The following ZSCAN31 variants were observed in gnomAD, a reference collection of about 807,000 sequenced individuals.
ZSCAN31 encodes zinc finger and SCAN domain-containing protein 31.
Under a neutral mutation model 22.5 loss-of-function variants are expected in ZSCAN31, and 14 were observed. The ratio of observed to expected loss-of-function variants is 0.62; its 90% CI spans 0.41 to 0.97. The LOEUF (loss-of-function observed/expected upper bound fraction) is 0.97, where lower values mean the gene tolerates loss of function less well. Among genes scored for constraint, ZSCAN31 ranks in the 50% least tolerant of loss-of-function variants. ZSCAN31 has a pLI of 0.00. For synonymous variants in ZSCAN31, 168 were observed against 169.8 expected (o/e 0.99, Z 0.08); for missense variants, 424 against 483.4 (o/e 0.88, Z 1.15).
At chr6:28,344,468 G>C (rs1764554255) in intron 2 of ZSCAN31, among the ~76,000 whole-genome samples, 1 of 152,170 alleles carries the variant, frequency 6.6e-6, no homozygotes, top group African/African-American at 2.4e-5. Context: ...ACATGTTCCT[G>C]TCATCCATCT....
At chr6:28,346,655 C>A (rs1764659421) in intron 2 of ZSCAN31, among the ~76,000 whole-genome samples, 1 of 152,132 alleles carries the variant, frequency 6.6e-6, no homozygotes, top group South Asian at 2.1e-4. Flanking sequence ...CGGCACTCAG[C>A]CTCCTTGGTA....
chr6:28,341,788 G>A (rs1488051772), exon 3 of ZSCAN31: 2 of 152,226 alleles, frequency 1.3e-5, no homozygotes, highest in African/African-American at 4.8e-5. Flanking sequence ...TTGGATGCCT[G>A]GGGTCTGCTA....
At chr6:28,342,003 A>T (rs537466288) in intron 2 of ZSCAN31, among the ~76,000 whole-genome samples, 107 of 152,274 alleles carry the variant, frequency 7.0e-4, no homozygotes, top group Non-Finnish European at 1.3e-3. Flanking sequence ...GAAATAGTAC[A>T]GTTGTTTTTG....
upstream of ZSCAN31, among the ~76,000 whole-genome samples, chr6:28,337,125 T>G (rs190591986): frequency 6.6e-6 from 1 of 152,320 alleles, no homozygotes; most frequent in African/African-American, 2.4e-5. Flanking sequence ...GGAAAACTAA[T>G]GGGGCAAAAC....
rs944370999 is a variant in ZSCAN31, at chr6:28,351,746, C to T, written c.-371+2116G>A. Among the ~76,000 whole-genome samples the T allele has an allele frequency of 6.6e-6, 1 of 151,140 alleles. No homozygotes were observed. On this transcript the variant is annotated intron_variant, in intron 2 of 7. Transcript: ENST00000396838. The surrounding 1 kb of genome is among the most constrained non-coding windows in gnomAD (Gnocchi z 4.6). The stretch of plus-strand genomic sequence containing the variant: ...CCTTTCCTTCCCTCCCTCTCCCCCT[C>T]TTTATCTCTTTTTTTTCCTCATTTC...
At chr6:28,345,513 A>T (rs1326499767) in intron 2 of ZSCAN31, among the ~76,000 whole-genome samples, 2 of 152,152 alleles carry the variant, frequency 1.3e-5, no homozygotes, top group Non-Finnish European at 2.9e-5. Context: ...TTGCAACAAA[A>T]ATTAATATTG....
At chr6:28,341,458 C>A (rs574013147) in intron 3 of ZSCAN31, among the ~76,000 whole-genome samples, 60 of 152,202 alleles carry the variant, frequency 3.9e-4, no homozygotes, top group Non-Finnish European at 7.6e-4. Flanking sequence ...TCTTATAGGG[C>A]GCTAACCCCA....
rs1764701483 is a variant in ZSCAN31 at position 28,347,758 on chromosome 6, T to C, written c.-370-5966A>G. Among the ~76,000 whole-genome samples the C allele has an allele frequency of 7.2e-6, 1 of 139,274 alleles. No individual in the cohort carries two copies. The highest frequency in any genetic ancestry group is 2.9e-5 in the African/African-American group (1 of 34,056). 91.4% of individuals were successfully genotyped at this position (139,274 alleles called of 152,430 possible). On this transcript the variant is annotated intron_variant, in intron 2 of 7. Coordinates refer to the ZSCAN31 transcript ENST00000396838. The surrounding 1 kb of genome is among the most constrained non-coding windows in gnomAD (Gnocchi z 5.2). ...TCCTACAGGGTAAGTACTTTGAAGC[T>C]GCTGGGCCAATGTGTGTATCATTTT...
In ZSCAN31 at chr6:28,331,734, C is replaced by G. The variant is rs1763758347; in HGVS notation, c.-95-1956G>C. 6.6e-6 allele frequency among the ~76,000 whole-genome samples: 1 copy of G among 152,168 alleles called. No homozygotes were observed. The highest frequency in any genetic ancestry group is 1.9e-4 in the East Asian group (1 of 5,200). On this transcript the variant is annotated intron_variant, in intron 1 of 3. Transcript: ENST00000344279. The surrounding 1 kb of genome is among the most constrained non-coding windows in gnomAD (Gnocchi z 4.8). ...TATTAAACATGTAGCTTCTCATGGC[C>G]TTAGGTTTATAGGCAAAAATTGTTC...
At position 28,329,647 on chromosome 6, in the gene ZSCAN31, C is replaced by A. The variant is rs1309890960; in HGVS notation, c.37G>T (p.Val13Leu). ...STEEQYDLKI[V>L]KVEEDPIWDQ... ...CAGATAGGGTCTTCCTCCACTTTCACAATCTTAAGATCGTACTGTTCCTCT... is the reference window on the plus strand; with the variant it reads ...CAGATAGGGTCTTCCTCCACTTTCAAAATCTTAAGATCGTACTGTTCCTCT... The change falls in exon 2 of 4, where the codon GTG becomes TTG. Residue 13 changes from valine to leucine, a missense_variant. Coordinates refer to ENST00000344279, the MANE Select transcript of ZSCAN31 (RefSeq NM_030899.5). 1 of 1,613,922 alleles carries A rather than the reference C, an allele frequency of 6.2e-7. No homozygotes were observed. Among genetic ancestry groups the A allele is most frequent in the Non-Finnish European group, 8.5e-7 (1 of 1,180,026 alleles).
In ZSCAN31 at chr6:28,325,517, G is replaced by A. The variant is rs1164922078; in HGVS notation, c.*649C>T. Reference sequence around the variant, plus strand: ...ATATTGATTCGTATCAAAAACATGAGTTAGATATGAAATGAGACATAGATT... The same window carrying A: ...ATATTGATTCGTATCAAAAACATGAATTAGATATGAAATGAGACATAGATT... On this transcript the variant is annotated 3_prime_UTR_variant, in exon 4 of 4. Transcript: ENST00000344279. The A allele has an allele frequency of 6.6e-6, 1 of 152,124 alleles. No homozygotes were observed. Among genetic ancestry groups the A allele is most frequent in the African/African-American group, 2.4e-5 (1 of 41,406 alleles). 9.4% of individuals were successfully genotyped at this position (152,124 alleles called of 1,614,324 possible).
At chr6:28,352,333 A>G (rs959686495) in intron 2 of ZSCAN31, among the ~76,000 whole-genome samples, 1 of 152,076 alleles carries the variant, frequency 6.6e-6, no homozygotes, top group Admixed American at 6.5e-5. Flanking sequence ...TTTCATTGCA[A>G]TCTCCATCTC....
rs913383123 is a variant in ZSCAN31, at chr6:28,347,947, T to G, written c.-371+5915A>C. The stretch of plus-strand genomic sequence containing the variant: ...GTGTTGGTATAAAATGATTTAAAAT[T>G]TGCCTTTATTTAATTGCTAATGATT... On this transcript the variant is annotated intron_variant, in intron 2 of 7. Transcript: ENST00000396838. The surrounding 1 kb of genome is among the most constrained non-coding windows in gnomAD (Gnocchi z 5.2). Among the ~76,000 whole-genome samples, 40 of 152,266 alleles carry G rather than the reference T, an allele frequency of 2.6e-4. No homozygotes were observed. Among genetic ancestry groups the G allele is most frequent in the Non-Finnish European group, 2.5e-4 (17 of 68,042 alleles).
At chr6:28,353,907 G>C in exon 2 of ZSCAN31, 1 of 455,942 alleles carries the variant, frequency 2.2e-6, no homozygotes. Context: ...TGAGGTCCGA[G>C]GGGAGTTGTT....
intron 2 of ZSCAN31, among the ~76,000 whole-genome samples, chr6:28,343,637 G>A (rs539865483): frequency 1.4e-5 from 2 of 145,228 alleles, no homozygotes; most frequent in South Asian, 2.3e-4. Context: ...TCTGCCTCCC[G>A]GGTTCACGCC....
intron 2 of ZSCAN31, among the ~76,000 whole-genome samples, chr6:28,352,242 C>T (rs1351694923): frequency 6.6e-6 from 1 of 152,152 alleles, no homozygotes; most frequent in Non-Finnish European, 1.5e-5. Flanking sequence ...CTCAGCTGCA[C>T]ATCAGAATGA....
rs1374987392 is a variant in ZSCAN31, at chr6:28,329,171, C to T, written c.381+132G>A. On this transcript the variant is annotated intron_variant, in intron 2 of 3. Transcript: ENST00000344279. Reference sequence around the variant, plus strand: ...GTCATCAGATGACCATAGTCTTGGCCATTAAGGTTTAGGGGTAATTTGTTA... The same window carrying T: ...GTCATCAGATGACCATAGTCTTGGCTATTAAGGTTTAGGGGTAATTTGTTA... 9.8e-6 allele frequency: 11 copies of T among 1,123,278 alleles called. 1 individual carries two copies. Among genetic ancestry groups the T allele is most frequent in the African/African-American group, 3.1e-5 (2 of 64,618 alleles). 69.6% of individuals were successfully genotyped at this position (1,123,278 alleles called of 1,614,324 possible).
At chr6:28,337,078 G>A (rs909471404), upstream of ZSCAN31, 2 of 152,228 alleles carry the variant, frequency 1.3e-5, no homozygotes, top group Non-Finnish European at 2.9e-5. Flanking sequence ...GGAAATAAAT[G>A]TATGTATTAG....
At position 28,333,853 on chromosome 6, in the gene ZSCAN31, G is replaced by A. The variant is rs530629488; in HGVS notation, c.-96+2229C>T. Among the ~76,000 whole-genome samples the A allele has an allele frequency of 6.6e-6, 1 of 152,174 alleles. No homozygotes were observed. The highest frequency in any genetic ancestry group is 1.5e-5 in the Non-Finnish European group (1 of 68,026). ...GAAACCACTGAAGGCTTTAAGAAAG[G>A]GAGTGACAAGGCTGAATTCTGTACC... On this transcript the variant is annotated intron_variant, in intron 1 of 3. Transcript: ENST00000344279. This position sits in a 1 kb window ranked among gnomAD's most constrained non-coding sequence, Gnocchi z 4.1.
Sources: allele counts gnomAD v4.1 joint callset (sites outside exome capture counted in the v4.1 genomes callset), GRCh38; gene constraint gnomAD v4.1.1; non-coding constraint Gnocchi (gnomAD v3.1); transcripts MANE v1.5; gene names NCBI Gene and HGNC (gene_info 2026-07-23, HGNC 2026-07-21).